ZNF266: variants seen among roughly 807,000 people sequenced by gnomAD.
The protein encoded by ZNF266 is zinc finger protein 1.
ZNF266 carries 16 observed loss-of-function variants against 16.4 expected under a neutral mutation model. The ratio of observed to expected loss-of-function variants is 0.98; its 90% CI spans 0.66 to 1.48. The LOEUF (loss-of-function observed/expected upper bound fraction) is 1.48. ZNF266 is among the 40% of genes most tolerant of loss of function. ZNF266 has a pLI of 0.00. For synonymous variants in ZNF266, 262 were observed against 237.9 expected, an observed-to-expected ratio of 1.10 and a Z score of -0.93; for missense variants, 738 against 689.1, an observed-to-expected ratio of 1.07 and a Z score of -0.79.
In ZNF266 at chr19:9,413,323, G is replaced by A. The variant is rs761716339; in HGVS notation, c.1803C>T (p.Ser601=). The A allele has an allele frequency of 1.9e-6, 3 of 1,605,220 alleles. No individual in the cohort carries two copies. Among genetic ancestry groups the A allele is most frequent in the Non-Finnish European group, 2.6e-6 (3 of 1,175,582 alleles). ...CATGCCTTCTTTCATGATTTCGAAA[G>A]GAACTGGAAGAACTGAAGGCTTTCC... ...ECGKAFSSSS[S]FRNHERRHAD... Residue 601 remains serine, a synonymous_variant, in exon 11 of 11, where the codon TCC becomes TCT. Transcript: ENST00000592904.
intron 8 of ZNF266, 139 bp from the exon 9 acceptor site, chr19:9,418,047 G>T: frequency 1.2e-6 from 1 of 865,618 alleles, no homozygotes; most frequent in Non-Finnish European, 1.8e-6. Flanking sequence ...TCGTCTGTCT[G>T]TGCCCCCAAA....
At chr19:9,429,326 A>T (rs1304897037) in intron 5 of ZNF266, among the ~76,000 whole-genome samples, 1 of 152,040 alleles carries the variant, frequency 6.6e-6, no homozygotes, top group South Asian at 2.1e-4. Flanking sequence ...GAGGCCCGGC[A>T]GCTGCTCATC....
intron 5 of ZNF266, among the ~76,000 whole-genome samples, chr19:9,433,250 G>A (rs1298780121): frequency 6.6e-6 from 1 of 152,060 alleles, no homozygotes; most frequent in Non-Finnish European, 1.5e-5. Flanking sequence ...GTATTTCCAG[G>A]CCATGTGGCC....
At chr19:9,417,374 A>G (rs2069198178) in intron 9 of ZNF266, among the ~76,000 whole-genome samples, 1 of 152,074 alleles carries the variant, frequency 6.6e-6, no homozygotes, top group African/African-American at 2.4e-5. Context: ...TGTCTCAGAA[A>G]AAAATAAAAA....
At chr19:9,427,737 A>G (rs2070968007) in intron 5 of ZNF266, among the ~76,000 whole-genome samples, 1 of 152,102 alleles carries the variant, frequency 6.6e-6, no homozygotes, top group Non-Finnish European at 1.5e-5. Context: ...CAGATCTGTC[A>G]TCACATACGA....
At position 9,412,974 on chromosome 19, in the gene ZNF266, C is replaced by A; in HGVS notation, c.*301G>T. 2.7e-6 allele frequency: 1 copy of A among 371,126 alleles called. No individual in the cohort carries two copies. Among genetic ancestry groups the A allele is most frequent in the South Asian group, 4.8e-5 (1 of 20,830 alleles). The allele number at this position is 371,126 out of a possible 1,614,324, so 23.0% of individuals were successfully genotyped here. ...CCATTTAAATTGCAGGGTTTCTCTC[C>A]AATGTGAGTTCACATACACACATTA... is the stretch of plus-strand genomic sequence containing the variant. On this transcript the variant is annotated 3_prime_UTR_variant, in exon 11 of 11. Coordinates refer to ENST00000592904, the MANE Select transcript of ZNF266 (RefSeq NM_001370374.1).
At chr19:9,423,005 C>G (rs564795838) in intron 5 of ZNF266, among the ~76,000 whole-genome samples, 132 of 152,306 alleles carry the variant, frequency 8.7e-4, no homozygotes, top group African/African-American at 3.0e-3. Context: ...CCGTGATCCA[C>G]TAGAAATAGA....
intron 5 of ZNF266, among the ~76,000 whole-genome samples, chr19:9,423,916 G>A (rs759275567): frequency 6.2e-4 from 94 of 152,190 alleles, no homozygotes; most frequent in Non-Finnish European, 1.1e-3. Flanking sequence ...AGAATGGCTT[G>A]AACCCGGGAG....
At chr19:9,416,188 A>T (rs181481724) in intron 9 of ZNF266, among the ~76,000 whole-genome samples, 1 of 152,336 alleles carries the variant, frequency 6.6e-6, no homozygotes, top group Non-Finnish European at 1.5e-5. Flanking sequence ...TGAAGATTGT[A>T]TATCAAAAAT....
intron 5 of ZNF266, among the ~76,000 whole-genome samples, chr19:9,427,799 TG>T (rs2070981468): frequency 6.6e-6 from 1 of 152,162 alleles, no homozygotes; most frequent in East Asian, 1.9e-4. Context: ...AACACAGGTA[TG>T]CACCGCACCG....
intron 5 of ZNF266, among the ~76,000 whole-genome samples, chr19:9,432,705 T>C (rs919685081): frequency 3.3e-5 from 5 of 152,140 alleles, no homozygotes; most frequent in African/African-American, 7.2e-5. Context: ...GAAATATATA[T>C]ACATTTAAGA....
chr19:9,418,566 T>A lies in ZNF266; in HGVS notation c.174A>T (p.Pro58=). 6.2e-7 allele frequency: 1 copy of A among 1,614,126 alleles called. No homozygotes were observed. The highest frequency in any genetic ancestry group is 8.5e-7 in the Non-Finnish European group (1 of 1,179,954). ...CATCTCTGTAGAGGTTTCTCTGAGT[T>A]GGGTCCAGTAAAGTCCATTCTTCTG... ...FTPEEWTLLD[P]TQRNLYRDVM... Residue 58 remains proline (P), a synonymous_variant, in exon 8 of 11, where the codon CCA becomes CCT. Transcript: ENST00000592904.
chr19:9,424,136 G>C (rs986044076), intron 5 of ZNF266, among the ~76,000 whole-genome samples: 6 of 151,820 alleles, frequency 4.0e-5, no homozygotes, highest in African/African-American at 1.4e-4. Context: ...CCCCCCCCAG[G>C]GGGCACAGCT....
intron 8 of ZNF266, among the ~76,000 whole-genome samples, 169 bp from the exon 9 acceptor site, chr19:9,418,077 C>T (rs1392051896): frequency 1.3e-5 from 2 of 152,150 alleles, no homozygotes; most frequent in South Asian, 2.1e-4. Context: ...ATCTCTGATC[C>T]CTGAAGCCCA....
intron 10 of ZNF266, 99 bp downstream of exon 10, chr19:9,415,555 G>T (rs554325401): frequency 3.0e-6 from 3 of 1,014,068 alleles, no homozygotes; most frequent in Admixed American, 3.9e-5. Flanking sequence ...TGGGATTACA[G>T]GTGTGAGCCA....
rs751994607 is a variant in ZNF266 at position 9,413,600 on chromosome 19, C to A, written c.1526G>T (p.Gly509Val). The change falls in exon 11 of 11, where the codon GGT (glycine) becomes GTT (valine). Residue 509 changes from glycine to valine, a missense_variant. Gly to Val is a moderately radical substitution (Grantham distance 109, BLOSUM62 -3). Coordinates refer to ENST00000592904, the MANE Select transcript of ZNF266 (RefSeq NM_001370374.1). ...GEKPFECLEC[G>V]KAFTHSSSLN... is the part of the protein sequence containing the mutation. ...ACTGGAGGAATGCGTAAATGCTTTACCACATTCCAGGCACTCAAAGGGCTT... is the reference window on the plus strand; with the variant it reads ...ACTGGAGGAATGCGTAAATGCTTTAACACATTCCAGGCACTCAAAGGGCTT... The A allele has an allele frequency of 1.2e-6, 2 of 1,614,202 alleles. No individual in the cohort carries two copies. The highest frequency in any genetic ancestry group is 2.2e-5 in the South Asian group (2 of 91,086).
Position 9,413,262 on chromosome 19 carries a change from T to C in ZNF266, c.*13A>G. ...AGAGAGAACAGGGACACCTTTAGGTTTTCCCACATTCCTTATGCTGACAGT... is the reference window on the plus strand; with the variant it reads ...AGAGAGAACAGGGACACCTTTAGGTCTTCCCACATTCCTTATGCTGACAGT... On this transcript the variant is annotated 3_prime_UTR_variant, in exon 11 of 11. Coordinates refer to ENST00000592904, the MANE Select transcript of ZNF266 (RefSeq NM_001370374.1). 1.3e-6 allele frequency: 2 copies of C among 1,557,154 alleles called. No individual in the cohort carries two copies. Among genetic ancestry groups the C allele is most frequent in the Non-Finnish European group, 1.7e-6 (2 of 1,153,430 alleles).
chr19:9,414,769 AAC>A, intron 10 of ZNF266, 49 bp from the exon 11 acceptor site: 1 of 1,496,418 alleles, frequency 6.7e-7, no homozygotes, highest in Non-Finnish European at 8.9e-7. Flanking sequence ...CAGATTGATT[AAC>A]AGATTCCACT....
chr19:9,425,010 C>CT (rs768761078), intron 5 of ZNF266, among the ~76,000 whole-genome samples: 21 of 152,316 alleles, frequency 1.4e-4, no homozygotes, highest in South Asian at 6.2e-4. Flanking sequence ...CCCCCATCGT[C>CT]TTTGTCTTAG....
Sources: gnomAD v4.1 joint callset for allele counts (sites outside exome capture counted in the v4.1 genomes callset) on GRCh38, gnomAD v4.1.1 for gene constraint, MANE v1.5 for transcripts, NCBI Gene and HGNC (gene_info 2026-07-23, HGNC 2026-07-21) for gene names.